Variants in TUBB3 observed in about 807,000 individuals in gnomAD.
The protein encoded by TUBB3 is tubulin beta-3 chain.
TUBB3 carries 17 observed loss-of-function variants against 37.8 expected under a neutral mutation model. The observed-to-expected ratio is 0.45, with a 90% confidence interval of 0.31 to 0.67. The LOEUF (loss-of-function observed/expected upper bound fraction) is 0.67, where lower values mean the gene tolerates loss of function less well. Ranked by LOEUF, TUBB3 falls within the 30% of genes least tolerant of loss-of-function variation. The pLI is 0.07. For missense variants in TUBB3, 262 were observed against 657.9 expected (o/e 0.40, Z 6.58); for synonymous variants, 332 against 278.9 (o/e 1.19, Z -1.90).
chr16:89,923,301 G>T, upstream of TUBB3: 2 of 1,017,754 alleles, frequency 2.0e-6, no homozygotes, highest in East Asian at 3.7e-5. Context: ...TGCGAAGGGC[G>T]GGGCCGCGGC....
intron 3 of TUBB3, chr16:89,933,864 G>C (rs1174666962): frequency 4.4e-6 from 3 of 685,950 alleles, no homozygotes; most frequent in Non-Finnish European, 8.0e-6. Context: ...GCCTCCAGAG[G>C]ACTCCGGGGT....
chr16:89,933,925 C>T, intron 3 of TUBB3: 1 of 626,530 alleles, frequency 1.6e-6, no homozygotes, highest in South Asian at 1.9e-5. Context: ...GTTCCCATGC[C>T]TGTGTCCTGG....
rs780355761 is a variant in TUBB3, at chr16:89,935,684, C to T, written c.1233C>T (p.Ala411=). The part of the protein sequence containing the change: ...EGMDEMEFTE[A]ESNMNDLVSE... The stretch of plus-strand genomic sequence containing the variant: ...TGGACGAGATGGAGTTCACCGAGGC[C>T]GAGAGCAACATGAACGACCTGGTGT... Residue 411 remains alanine, a synonymous_variant, in exon 4 of 4, where the codon GCC becomes GCT. Transcript: ENST00000315491. 3.3e-5 allele frequency: 53 copies of T among 1,613,688 alleles called. No homozygotes were observed. The Admixed American group carries it at 6.7e-4, about 20-fold the overall frequency.
At chr16:89,928,803 C>T (rs1189110146) in intron 1 of TUBB3, among the ~76,000 whole-genome samples, 1 of 151,972 alleles carries the variant, frequency 6.6e-6, no homozygotes, top group East Asian at 1.9e-4. Flanking sequence ...GGACCACAGA[C>T]AGGCGTGAGC....
intron 1 of TUBB3, among the ~76,000 whole-genome samples, chr16:89,927,151 G>C (rs12924749): frequency 6.6e-6 from 1 of 151,990 alleles, no homozygotes; most frequent in African/African-American, 2.4e-5. Flanking sequence ...GAGGTGGGTG[G>C]ATCACCTGAG....
Position 89,932,565 on chromosome 16 carries a change from T to C in TUBB3, c.58-6T>C, listed in dbSNP as rs748793082. On this transcript the variant is annotated splice_polypyrimidine_tract_variant and splice_region_variant and intron_variant, in intron 1 of 3. Coordinates refer to ENST00000315491, the MANE Select transcript of TUBB3 (RefSeq NM_006086.4). ...GCCGACCCCCCCTCTCCCACTTTGT[T>C]TGCAGTTCTGGGAAGTCATCAGTGA... The C allele has an allele frequency of 5.6e-6, 9 of 1,613,540 alleles. No homozygotes were observed. Among genetic ancestry groups the C allele is most frequent in the Non-Finnish European group, 6.8e-6 (8 of 1,179,650 alleles).
rs1226066892 is a variant in TUBB3 at position 89,935,618 on chromosome 16, C to G, written c.1167C>G (p.Phe389Leu). Residue 389 changes from phenylalanine (F) to leucine (L), a missense_variant, in exon 4 of 4, where the codon TTC (phenylalanine) becomes TTG (leucine). Physicochemically the swap from Phe to Leu is conservative, Grantham distance 22. This residue lies in a region of TUBB3 where 165 missense variants were observed against 556.8 expected (regional missense o/e 0.30). Coordinates refer to ENST00000315491, the MANE Select transcript of TUBB3 (RefSeq NM_006086.4). ...KRISEQFTAM[F>L]RRKAFLHWYT... ...TCTCCGAGCAGTTCACGGCCATGTT[C>G]CGGCGCAAGGCCTTCCTGCACTGGT... The G allele has an allele frequency of 6.2e-7, 1 of 1,613,866 alleles. No individual in the cohort carries two copies. The highest frequency in any genetic ancestry group is 8.5e-7 in the Non-Finnish European group (1 of 1,179,948).
chr16:89,932,358 G>T (rs563769605), intron 1 of TUBB3, among the ~76,000 whole-genome samples: 21 of 152,356 alleles, frequency 1.4e-4, no homozygotes, highest in Admixed American at 1.4e-3. Context: ...TGGGGCTGTG[G>T]TCGGCCTGGA....
chr16:89,931,890 T>A (rs1342499901), intron 1 of TUBB3: 2 of 400,180 alleles, frequency 5.0e-6, no homozygotes, highest in Non-Finnish European at 1.0e-5. Flanking sequence ...GGACGACCCC[T>A]GGGAGCTGAG....
At chr16:89,934,657 T>G in intron 3 of TUBB3, 72 bp from the exon 4 acceptor site, 1 of 1,485,776 alleles carries the variant, frequency 6.7e-7, no homozygotes, top group East Asian at 2.3e-5. Flanking sequence ...CTTGGGATGT[T>G]CAGGCAGGGG....
chr16:89,931,079 G>C (rs894442830), intron 1 of TUBB3, among the ~76,000 whole-genome samples: 1 of 151,550 alleles, frequency 6.6e-6, no homozygotes, highest in Non-Finnish European at 1.5e-5. Context: ...CACCCGCCTC[G>C]GCCTCCCAAA....
chr16:89,930,284 T>G (rs969187736), intron 1 of TUBB3, among the ~76,000 whole-genome samples: 6 of 151,610 alleles, frequency 4.0e-5, no homozygotes, highest in Non-Finnish European at 7.4e-5. Flanking sequence ...TTTGTATTTT[T>G]GGGAGAGATG....
chr16:89,925,595 C>G (rs920116378), intron 1 of TUBB3, among the ~76,000 whole-genome samples: 1 of 151,992 alleles, frequency 6.6e-6, no homozygotes, highest in South Asian at 2.1e-4. Flanking sequence ...GATCCTGTCT[C>G]ACAGTAATAA....
At position 89,923,454 on chromosome 16, in the gene TUBB3, C is replaced by T; in HGVS notation, c.53C>T (p.Ala18Val). Residue 18 changes from alanine to valine, a missense_variant, in exon 1 of 4, where the codon GCC becomes GTC. By Grantham distance (64) the Ala-to-Val change is moderately conservative (BLOSUM62 0). Coordinates refer to ENST00000315491, the MANE Select transcript of TUBB3 (RefSeq NM_006086.4). Reference sequence around the variant, plus strand: ...GGCCAGTGCGGCAACCAGATCGGGGCCAAGGTGAGGCTGCGCGCCCCGGCC... The same window carrying T: ...GGCCAGTGCGGCAACCAGATCGGGGTCAAGGTGAGGCTGCGCGCCCCGGCC... ...QAGQCGNQIGAKFWEVISDEH... is the reference protein window; with the variant it reads ...QAGQCGNQIGVKFWEVISDEH... The T allele has an allele frequency of 6.7e-7, 1 of 1,503,732 alleles. No individual in the cohort carries two copies. Among genetic ancestry groups the T allele is most frequent in the South Asian group, 1.2e-5 (1 of 81,032 alleles). The allele number at this position is 1,503,732 out of a possible 1,614,324, so 93.1% of individuals were successfully genotyped here. A position where few individuals can be genotyped will look rare whatever the true frequency, so the allele number is the denominator to read the frequency against.
At chr16:89,923,677 C>G (rs1176881747) in intron 1 of TUBB3, among the ~76,000 whole-genome samples, 1 of 152,210 alleles carries the variant, frequency 6.6e-6, no homozygotes, top group Non-Finnish European at 1.5e-5. Context: ...TGTCGAGGCG[C>G]AGCTCACGTC....
chr16:89,933,149 A>G lies in TUBB3; in HGVS notation c.167-319A>G, dbSNP rs2030332643. ...CGATATGTTGCCCAGGCTGGTCTCG[A>G]ACTCCTGGACTCAAGCGATCCACCT... On this transcript the variant is annotated intron_variant, in intron 2 of 3. Transcript: ENST00000315491. 3 of 627,310 alleles carry G rather than the reference A, an allele frequency of 4.8e-6. No homozygotes were observed. In the East Asian group the frequency reaches 1.0e-4, roughly 21 times the overall value. The allele number at this position is 627,310 out of a possible 1,614,324, so 38.9% of individuals were successfully genotyped here. A position where few individuals can be genotyped will look rare whatever the true frequency, so the allele number is the denominator to read the frequency against.
chr16:89,935,125 T>A lies in TUBB3; in HGVS notation c.674T>A (p.Leu225His). 1 of 1,614,112 alleles carries A rather than the reference T, an allele frequency of 6.2e-7. No homozygotes were observed. Among genetic ancestry groups the A allele is most frequent in the Non-Finnish European group, 8.5e-7 (1 of 1,180,024 alleles). ...CTGGCCACGCCCACCTACGGGGACC[T>A]CAACCACCTGGTATCGGCCACCATG... ...LKLATPTYGD[L>H]NHLVSATMSG... The change falls in exon 4 of 4, where the codon CTC (leucine) becomes CAC (histidine). Residue 225 changes from leucine (L) to histidine (H), a missense_variant. Coordinates refer to ENST00000315491, the MANE Select transcript of TUBB3 (RefSeq NM_006086.4).
At position 89,934,404 on chromosome 16, in the gene TUBB3, C is replaced by G. The variant is rs1269887095; in HGVS notation, c.278-325C>G. 5.6e-6 allele frequency: 3 copies of G among 535,214 alleles called. No individual in the cohort carries two copies. In the East Asian group the frequency reaches 1.4e-4, roughly 25 times the overall value. The allele number at this position is 535,214 out of a possible 1,614,324, so 33.2% of individuals were successfully genotyped here. A position where few individuals can be genotyped will look rare whatever the true frequency, so the allele number is the denominator to read the frequency against. The stretch of plus-strand genomic sequence containing the variant: ...GATTCTGGGGTGGCTGTTTGGGCTC[C>G]TGGCACTGCCAGTCGGAAGGAAGGT... On this transcript the variant is annotated intron_variant, in intron 3 of 3. Transcript: ENST00000315491.
At chr16:89,927,778 G>A (rs760156720) in intron 1 of TUBB3, among the ~76,000 whole-genome samples, 1 of 152,206 alleles carries the variant, frequency 6.6e-6, no homozygotes, top group Non-Finnish European at 1.5e-5. Flanking sequence ...AGCTGTGCTC[G>A]TGCTGGGTCT....
Sources: allele counts gnomAD v4.1 joint callset (sites outside exome capture counted in the v4.1 genomes callset), GRCh38; gene constraint gnomAD v4.1.1; regional missense constraint gnomAD v4.1.1; transcripts MANE v1.5; gene names NCBI Gene and HGNC (gene_info 2026-07-23, HGNC 2026-07-21).